KCNMA1: variants seen among roughly 807,000 people sequenced by gnomAD.
The protein encoded by KCNMA1 is potassium calcium-activated channel subfamily M alpha 1.
In KCNMA1, 29 loss-of-function variants were observed where a neutral mutation model predicts 140.0. That is an observed-to-expected ratio of 0.21 (90% confidence interval 0.15 to 0.28). The LOEUF is 0.28. Among genes scored for constraint, KCNMA1 ranks in the 10% least tolerant of loss-of-function variants. The pLI, the probability that KCNMA1 is intolerant of heterozygous loss-of-function variation, is 1.00. For synonymous variants in KCNMA1, 612 were observed against 611.9 expected (o/e 1.00, Z 0.00); for missense variants, 880 against 1,602.2 (o/e 0.55, Z 7.70).
chr10:76,955,633 C>A (rs955909434), intron 20 of KCNMA1, among the ~76,000 whole-genome samples: 2 of 152,180 alleles, frequency 1.3e-5, no homozygotes, highest in Non-Finnish European at 2.9e-5. Context: ...ATGTAAACCA[C>A]CAGGCCATCT....
chr10:77,139,462 G>T (rs1363864021), intron 5 of KCNMA1, among the ~76,000 whole-genome samples: 1 of 152,300 alleles, frequency 6.6e-6, no homozygotes, highest in African/African-American at 2.4e-5. Context: ...CTAATGAAAA[G>T]GATTGACTAG....
chr10:77,600,712 A>C (rs2082344203), intron 1 of KCNMA1, among the ~76,000 whole-genome samples: 1 of 152,032 alleles, frequency 6.6e-6, no homozygotes, highest in Non-Finnish European at 1.5e-5. Context: ...ACGCCATTGC[A>C]CTGCAGCCTG....
Position 77,363,782 on chromosome 10 carries a change from T to C in KCNMA1, c.540+40080A>G, listed in dbSNP as rs182354801. Among the ~76,000 whole-genome samples the C allele has an allele frequency of 3.1e-3, 468 of 152,244 alleles. 3 individuals carry two copies. The highest frequency in any genetic ancestry group is 0.014 in the Middle Eastern group (4 of 294). On this transcript the variant is annotated intron_variant, in intron 2 of 27. Coordinates refer to ENST00000286628, the MANE Select transcript of KCNMA1 (RefSeq NM_001161352.2). ...CCGTCTTTGTCCAGTTAATTCCTGC[T>C]CCCTTTTCTGGTCTCAGCTCAAATG...
intron 5 of KCNMA1, among the ~76,000 whole-genome samples, chr10:77,142,183 C>T (rs866507764): frequency 3.3e-5 from 5 of 151,928 alleles, no homozygotes; most frequent in South Asian, 2.1e-4. Flanking sequence ...CTGGCTAACA[C>T]GGTGAAACCC....
chr10:77,110,412 G>A (rs921093853), intron 7 of KCNMA1, 69 bp from the exon 8 acceptor site: 45 of 1,376,748 alleles, frequency 3.3e-5, no homozygotes, highest in East Asian at 2.1e-4. Flanking sequence ...CAATAAACGC[G>A]GAAGCTCGGC....
chr10:77,482,359 T>A (rs192496311), intron 1 of KCNMA1, among the ~76,000 whole-genome samples: 6 of 152,216 alleles, frequency 3.9e-5, no homozygotes, highest in Admixed American at 3.9e-4. Context: ...CAAGAGAATC[T>A]ACAAAAAGGA....
intron 13 of KCNMA1, among the ~76,000 whole-genome samples, chr10:77,079,068 C>A (rs950350228): frequency 1.3e-5 from 2 of 151,940 alleles, no homozygotes; most frequent in Non-Finnish European, 2.9e-5. Flanking sequence ...GTTGGGAGTT[C>A]GAGACCATCC....
At chr10:77,355,477 C>T (rs1404380196) in intron 2 of KCNMA1, among the ~76,000 whole-genome samples, 1 of 152,136 alleles carries the variant, frequency 6.6e-6, no homozygotes, top group Non-Finnish European at 1.5e-5. Context: ...TCAGGTCTTG[C>T]TGAAAGTGCC....
intron 2 of KCNMA1, among the ~76,000 whole-genome samples, chr10:77,264,026 T>C (rs913850055): frequency 4.6e-5 from 7 of 152,150 alleles, no homozygotes; most frequent in Non-Finnish European, 1.0e-4. Flanking sequence ...CCTTCCCGAA[T>C]GAAGTAGAAA....
rs559670156 is a variant in KCNMA1 at position 77,366,974 on chromosome 10, C to T, written c.540+36888G>A. Among the ~76,000 whole-genome samples, 7 of 152,330 alleles carry T rather than the reference C, an allele frequency of 4.6e-5. No homozygotes were observed. In the South Asian group the frequency reaches 6.2e-4, roughly 14 times the overall value. Reference sequence around the variant, plus strand: ...CACTATTTGCCATGATGCTGGTCACCGGGCCTACAAGACATAGATCTTGTC... The same window carrying T: ...CACTATTTGCCATGATGCTGGTCACTGGGCCTACAAGACATAGATCTTGTC... On this transcript the variant is annotated intron_variant, in intron 2 of 27. Transcript: ENST00000286628.
In KCNMA1 at chr10:77,108,199, G is replaced by C. The variant is rs993656100; in HGVS notation, c.1223+282C>G. On this transcript the variant is annotated intron_variant, in intron 9 of 27. Transcript: ENST00000286628. The surrounding 1 kb of genome is among the most constrained non-coding windows in gnomAD (Gnocchi z 4.6). ...TTCCCTCACAGAAGCACCCGGTGGG[G>C]TTGGGGAGGGGCAGAATTCAGATGG... 8 of 1,068,098 alleles carry C rather than the reference G, an allele frequency of 7.5e-6. No individual in the cohort carries two copies. In the South Asian group the frequency reaches 1.0e-4, roughly 14 times the overall value. The allele number at this position is 1,068,098 out of a possible 1,614,324, so 66.2% of individuals were successfully genotyped here.
intron 1 of KCNMA1, among the ~76,000 whole-genome samples, chr10:77,600,622 C>A (rs2082307792): frequency 6.6e-6 from 1 of 152,132 alleles, no homozygotes; most frequent in Non-Finnish European, 1.5e-5. Flanking sequence ...GTGGCACATG[C>A]CTGTAATCCC....
At chr10:76,970,645 A>T (rs1367184292) in intron 19 of KCNMA1, 1 of 159,392 alleles carries the variant, frequency 6.3e-6, no homozygotes, top group Non-Finnish European at 1.4e-5. Context: ...CTGGCTCAAT[A>T]ATCCCCAGCC....
At position 77,218,901 on chromosome 10, in the gene KCNMA1, G is replaced by A. The variant is rs183764215; in HGVS notation, c.602+32294C>T. Among the ~76,000 whole-genome samples the A allele has an allele frequency of 1.2e-3, 184 of 152,216 alleles. 4 individuals are homozygous for A. The highest frequency in any genetic ancestry group is 9.2e-4 in the Admixed American group (14 of 15,294). On this transcript the variant is annotated intron_variant, in intron 3 of 27. Transcript: ENST00000286628. ...GGGATTTCATCATGTTGGCCAGGCT[G>A]ATCTCAAACTGTTGGCCTCAAGTGA...
At chr10:77,346,470 C>T (rs997964933) in intron 2 of KCNMA1, among the ~76,000 whole-genome samples, 7 of 152,102 alleles carry the variant, frequency 4.6e-5, no homozygotes, top group Admixed American at 1.3e-4. Flanking sequence ...GGCTGAAGTG[C>T]GTCCACAGTT....
chr10:77,367,105 G>A (rs961887064), intron 2 of KCNMA1, among the ~76,000 whole-genome samples: 3 of 152,276 alleles, frequency 2.0e-5, no homozygotes, highest in East Asian at 1.9e-4. Context: ...CATTCCGCAC[G>A]GGTGTGTCAG....
chr10:77,099,496 C>CAGGTTAGAAGG (rs2097037010), intron 9 of KCNMA1, among the ~76,000 whole-genome samples: 1 of 152,144 alleles, frequency 6.6e-6, no homozygotes, highest in East Asian at 1.9e-4. Flanking sequence ...TGGCGGATCA[C>CAGGTTAGAAGG]CTGCGGTCAG....
At chr10:77,195,971 A>G (rs1371352465) in intron 3 of KCNMA1, among the ~76,000 whole-genome samples, 2 of 152,078 alleles carry the variant, frequency 1.3e-5, no homozygotes, top group Non-Finnish European at 2.9e-5. Flanking sequence ...AATAATAAAT[A>G]GCTATTTCCA....
chr10:77,083,699 G>A (rs539182447), intron 12 of KCNMA1, among the ~76,000 whole-genome samples: 9 of 152,008 alleles, frequency 5.9e-5, no homozygotes, highest in Admixed American at 5.9e-4. Context: ...GCCATGTGTG[G>A]TGGCACATTC....
Sources: allele counts gnomAD v4.1 joint callset (sites outside exome capture counted in the v4.1 genomes callset), GRCh38; gene constraint gnomAD v4.1.1; non-coding constraint Gnocchi (gnomAD v3.1); transcripts MANE v1.5; gene names NCBI Gene and HGNC (gene_info 2026-07-23, HGNC 2026-07-21).